The following MRPL39 variants were observed in gnomAD, a reference collection of about 807,000 sequenced individuals.
MRPL39 encodes the protein large ribosomal subunit protein mL39.
A neutral mutation model predicts 44.5 loss-of-function variants in MRPL39; 35 were observed. That is an observed-to-expected ratio of 0.79 (90% CI 0.60 to 1.04). The LOEUF (loss-of-function observed/expected upper bound fraction) is 1.04, where lower values mean the gene tolerates loss of function less well. MRPL39 is among the 50% of genes least tolerant of loss of function. The probability of loss-of-function intolerance (pLI) is 0.00; values close to 1 mark genes in which losing one functional copy is unlikely to be tolerated. For missense variants in MRPL39, 433 were observed against 413.5 expected (o/e 1.05, Z -0.41); for synonymous variants, 139 against 136.1 (o/e 1.02, Z -0.15).
In MRPL39 at chr21:25,591,355, GA is replaced by G. The variant is rs539480435; in HGVS notation, c.921+1456del. On this transcript the variant is annotated intron_variant, in intron 8 of 9. Coordinates refer to ENST00000352957, the MANE Select transcript of MRPL39 (RefSeq NM_017446.4). Reference sequence around the variant, plus strand: ...CTGCAAAAGGCTGCTCAGAGAATGAGAAAACAAGCCACATATACAAACACAA... The same window carrying G: ...CTGCAAAAGGCTGCTCAGAGAATGAGAAACAAGCCACATATACAAACACAA... Among the ~76,000 whole-genome samples the G allele has an allele frequency of 6.2e-4, 95 of 152,136 alleles. 3 individuals are homozygous for G. In the South Asian group the frequency reaches 0.019, roughly 31 times the overall value.
intron 8 of MRPL39, among the ~76,000 whole-genome samples, chr21:25,589,426 T>TTC (rs1441815063): frequency 1.4e-4 from 22 of 151,796 alleles, no homozygotes; most frequent in African/African-American, 4.8e-4. Context: ...AGTAAATTTT[T>TTC]TTTTTTTTTG....
chr21:25,599,635 T>C (rs2031461963), intron 5 of MRPL39, among the ~76,000 whole-genome samples, 164 bp downstream of exon 5: 1 of 152,056 alleles, frequency 6.6e-6, no homozygotes, highest in Admixed American at 6.5e-5. Flanking sequence ...CACCAATAGA[T>C]AGATAGATAG....
At chr21:25,598,356 C>G (rs1023466400) in intron 5 of MRPL39, among the ~76,000 whole-genome samples, 1 of 150,622 alleles carries the variant, frequency 6.6e-6, no homozygotes, top group African/African-American at 2.4e-5. Flanking sequence ...GTCCCAGCTA[C>G]TAGAAAGGCT....
Position 25,601,359 on chromosome 21 carries a change from A to T in MRPL39, c.520+9T>A. 1 of 1,593,840 alleles carries T rather than the reference A, an allele frequency of 6.3e-7. No individual in the cohort carries two copies. Among genetic ancestry groups the T allele is most frequent in the Non-Finnish European group, 8.6e-7 (1 of 1,164,634 alleles). On this transcript the variant is annotated intron_variant, in intron 4 of 9. Coordinates refer to ENST00000352957, the MANE Select transcript of MRPL39 (RefSeq NM_017446.4). The stretch of plus-strand genomic sequence containing the variant: ...AAGGATCACAAAAAGACATATATGT[A>T]TACACTACCAGGAACTTCTGGAGCT...
At chr21:25,607,814 G>A (rs986161868), upstream of MRPL39, among the ~76,000 whole-genome samples, 1 of 148,418 alleles carries the variant, frequency 6.7e-6, no homozygotes, top group Non-Finnish European at 1.5e-5. Flanking sequence ...CCGCGGGTTC[G>A]ATCCCGGCCA....
At chr21:25,592,138 T>TA (rs1208531933) in intron 8 of MRPL39, among the ~76,000 whole-genome samples, 1 of 152,132 alleles carries the variant, frequency 6.6e-6, no homozygotes, top group Non-Finnish European at 1.5e-5. Flanking sequence ...GGAAAACAGA[T>TA]AAGTAGTTGG....
rs577890766 is a variant in MRPL39 at position 25,587,639 on chromosome 21, T to C, written c.969+1196A>G. On this transcript the variant is annotated intron_variant, in intron 9 of 9. Transcript: ENST00000352957. ...ACTGGCAAAGAAAACAATCAAAAAA[T>C]AGTATGTGGACATATACAATCAAGC... 112 of 1,198,422 alleles carry C rather than the reference T, an allele frequency of 9.3e-5. No individual in the cohort carries two copies. The East Asian group carries it at 2.5e-3, about 26-fold the overall frequency. 74.2% of individuals were successfully genotyped at this position (1,198,422 alleles called of 1,614,324 possible). A position where few individuals can be genotyped will look rare whatever the true frequency, so the allele number is the denominator to read the frequency against.
At chr21:25,596,125 G>C (rs1019059161) in intron 6 of MRPL39, among the ~76,000 whole-genome samples, 3 of 151,202 alleles carry the variant, frequency 2.0e-5, no homozygotes, top group African/African-American at 7.3e-5. Flanking sequence ...TTGAGACGGA[G>C]TCTCGCTCTT....
At chr21:25,606,410 G>A (rs2031669061) in intron 2 of MRPL39, 39 bp downstream of exon 2, 1 of 1,510,820 alleles carries the variant, frequency 6.6e-7, no homozygotes, top group Non-Finnish European at 9.0e-7. Flanking sequence ...CACAGCTTAA[G>A]TAAAAGGGTC....
At chr21:25,587,716 T>C (rs201302077) in intron 9 of MRPL39, 107 of 1,607,564 alleles carry the variant, frequency 6.7e-5, no homozygotes, top group Middle Eastern at 5.0e-4. Context: ...GACTGTTCCA[T>C]GGAGGAGGTA....
In MRPL39 at chr21:25,595,755, T is replaced by C. The variant is rs118067942; in HGVS notation, c.701+1547A>G. Among the ~76,000 whole-genome samples, 382 of 152,342 alleles carry C rather than the reference T, an allele frequency of 2.5e-3. 8 individuals are homozygous for C. The East Asian group carries it at 0.056, about 23-fold the overall frequency. ...AAATCATTAAAATTAACTTCAACTT[T>C]TGTTTTGACTTTTTTTCAATGCAAC... is the stretch of plus-strand genomic sequence containing the variant. On this transcript the variant is annotated intron_variant, in intron 6 of 9. Coordinates refer to ENST00000352957, the MANE Select transcript of MRPL39 (RefSeq NM_017446.4).
rs761220620 is a variant in MRPL39 at position 25,585,703 on chromosome 21, G to C, written c.*4C>G. The C allele has an allele frequency of 4.0e-6, 6 of 1,489,546 alleles. No homozygotes were observed. Among genetic ancestry groups the C allele is most frequent in the Non-Finnish European group, 5.5e-6 (6 of 1,088,272 alleles). 92.3% of individuals were successfully genotyped at this position (1,489,546 alleles called of 1,614,324 possible). The stretch of plus-strand genomic sequence containing the variant: ...ATTATACATATTTAAATTTTAGAAA[G>C]TTATTAGGTAGATGTACATTCCTCT... On this transcript the variant is annotated 3_prime_UTR_variant, in exon 10 of 10. Coordinates refer to ENST00000352957, the MANE Select transcript of MRPL39 (RefSeq NM_017446.4).
chr21:25,603,736 G>T, intron 3 of MRPL39, 60 bp downstream of exon 3: 1 of 1,496,840 alleles, frequency 6.7e-7, no homozygotes. Context: ...TAGAAAACAG[G>T]TCTTAATAAA....
At chr21:25,601,885 G>C (rs2031535557) in intron 3 of MRPL39, among the ~76,000 whole-genome samples, 1 of 152,130 alleles carries the variant, frequency 6.6e-6, no homozygotes, top group African/African-American at 2.4e-5. Flanking sequence ...AATTATTAGT[G>C]ACTCTTATCC....
In MRPL39 at chr21:25,601,348, G is replaced by T. The variant is rs868484582; in HGVS notation, c.520+20C>A. The T allele has an allele frequency of 4.0e-6, 2 of 501,422 alleles. No homozygotes were observed. The highest frequency in any genetic ancestry group is 3.0e-6 in the Non-Finnish European group (1 of 335,954). The allele number at this position is 501,422 out of a possible 1,614,324, so 31.1% of individuals were successfully genotyped here. ...CCAAAATATTTAAGGATCACAAAAA[G>T]ACATATATGTATACACTACCAGGAA... is the stretch of plus-strand genomic sequence containing the variant. On this transcript the variant is annotated intron_variant, in intron 4 of 9. Transcript: ENST00000352957.
At chr21:25,587,914 G>A (rs2031051443) in intron 9 of MRPL39, 3 of 714,120 alleles carry the variant, frequency 4.2e-6, no homozygotes, top group Admixed American at 2.1e-5. Context: ...TAAGGAGGAA[G>A]TCCTAATGAG....
intron 3 of MRPL39, 89 bp downstream of exon 3, chr21:25,603,707 A>G: frequency 7.4e-7 from 1 of 1,354,530 alleles, no homozygotes; most frequent in East Asian, 2.3e-5. Context: ...ACTTGGCCAT[A>G]TTTTTACATT....
intron 8 of MRPL39, among the ~76,000 whole-genome samples, chr21:25,590,348 T>C (rs118095295): frequency 0.014 from 2,031 of 147,432 alleles, 27 homozygotes; most frequent in Middle Eastern, 0.024. Context: ...GGACCACACA[T>C]AAAATATACT....
intron 2 of MRPL39, among the ~76,000 whole-genome samples, 190 bp downstream of exon 2, chr21:25,606,259 G>C (rs1162882810): frequency 6.6e-6 from 1 of 152,148 alleles, no homozygotes; most frequent in African/African-American, 2.4e-5. Context: ...GGATTTGCTT[G>C]CTCTTTTTAG....
Sources: gnomAD v4.1 joint callset for allele counts (sites outside exome capture counted in the v4.1 genomes callset) on GRCh38, gnomAD v4.1.1 for gene constraint, MANE v1.5 for transcripts, NCBI Gene and HGNC (gene_info 2026-07-23, HGNC 2026-07-21) for gene names.